ASAP1: variants seen among roughly 807,000 people sequenced by gnomAD.
ASAP1 encodes ArfGAP with SH3 domain, ankyrin repeat and PH domain 1, also known as arf-GAP with SH3 domain, ANK repeat and PH domain-containing protein 1.
In ASAP1, 43 loss-of-function variants were observed where a neutral mutation model predicts 145.2. The ratio of observed to expected loss-of-function variants is 0.30; its 90% CI spans 0.23 to 0.38. ASAP1 has a LOEUF of 0.38. Among genes scored for constraint, ASAP1 ranks in the 10% least tolerant of loss-of-function variants. ASAP1 has a pLI of 1.00. For missense variants in ASAP1, 1,018 were observed against 1,355.3 expected (o/e 0.75, Z 3.91); for synonymous variants, 546 against 515.5 (o/e 1.06, Z -0.80).
intron 13 of ASAP1, among the ~76,000 whole-genome samples, chr8:130,148,337 T>C (rs961081841): frequency 3.3e-5 from 5 of 152,242 alleles, no homozygotes; most frequent in African/African-American, 1.2e-4. Context: ...CTGAGCTTCA[T>C]CTATAAAATG....
At chr8:130,110,900 C>G (rs147602467) in intron 24 of ASAP1, among the ~76,000 whole-genome samples, 6 of 152,176 alleles carry the variant, frequency 3.9e-5, no homozygotes, top group Admixed American at 3.3e-4. Context: ...TGTGGGAGCA[C>G]GAGCTGAGCA....
intron 5 of ASAP1, 134 bp downstream of exon 5, chr8:130,214,422 A>C: frequency 1.1e-5 from 9 of 843,280 alleles, no homozygotes; most frequent in Non-Finnish European, 1.1e-5. Flanking sequence ...ACCTAGGACT[A>C]AAAAGCTTTT....
At chr8:130,107,559 T>A (rs1241753263) in intron 24 of ASAP1, among the ~76,000 whole-genome samples, 1 of 135,048 alleles carries the variant, frequency 7.4e-6, no homozygotes, top group South Asian at 2.5e-4. Context: ...TGTATGTATG[T>A]ATTTTTGAGA....
intron 24 of ASAP1, among the ~76,000 whole-genome samples, chr8:130,106,612 C>T (rs1461101529): frequency 6.6e-6 from 1 of 152,208 alleles, no homozygotes. Context: ...CTTATCCTGG[C>T]CACCTATTTC....
chr8:130,133,193 A>T (rs896804546), intron 15 of ASAP1, among the ~76,000 whole-genome samples: 30 of 152,280 alleles, frequency 2.0e-4, no homozygotes, highest in South Asian at 1.0e-3. Flanking sequence ...TAACAAAAAC[A>T]TCCCTCTCCC....
chr8:130,185,729 CAAAAAAAAAAAAAAA>C (rs778486303), intron 7 of ASAP1, among the ~76,000 whole-genome samples: 1 of 57,146 alleles, frequency 1.7e-5, no homozygotes, highest in Non-Finnish European at 3.7e-5. Flanking sequence ...AACTCCGCCT[CAAAAAAAAAAAAAAA>C]AAAAGAAAAA....
intron 2 of ASAP1, among the ~76,000 whole-genome samples, chr8:130,359,311 G>T (rs1208974302): frequency 6.6e-6 from 1 of 152,046 alleles, no homozygotes; most frequent in Non-Finnish European, 1.5e-5. Context: ...GCCAAATTTC[G>T]GTGGAAAAAG....
At chr8:130,133,052 G>A (rs1029445373) in intron 15 of ASAP1, among the ~76,000 whole-genome samples, 1 of 152,070 alleles carries the variant, frequency 6.6e-6, no homozygotes. Flanking sequence ...CCAGAAATAA[G>A]AGAGGAACAT....
intron 2 of ASAP1, among the ~76,000 whole-genome samples, chr8:130,378,481 G>A (rs1165265083): frequency 6.6e-6 from 1 of 152,214 alleles, no homozygotes; most frequent in Non-Finnish European, 1.5e-5. Flanking sequence ...CAAGTGCACG[G>A]AGGCTTGACA....
chr8:130,150,009 C>T (rs747236875), intron 13 of ASAP1, among the ~76,000 whole-genome samples: 3 of 152,204 alleles, frequency 2.0e-5, no homozygotes, highest in Non-Finnish European at 4.4e-5. Context: ...TGCTTGTCAA[C>T]AGATTTCAGT....
At chr8:130,209,811 A>C (rs1444447896) in intron 5 of ASAP1, among the ~76,000 whole-genome samples, 1 of 152,124 alleles carries the variant, frequency 6.6e-6, no homozygotes, top group Non-Finnish European at 1.5e-5. Context: ...TTTTGAAAGA[A>C]AGACTAGCAA....
intron 2 of ASAP1, among the ~76,000 whole-genome samples, chr8:130,385,177 C>A (rs1827954299): frequency 6.6e-6 from 1 of 152,132 alleles, no homozygotes; most frequent in South Asian, 2.1e-4. Context: ...TTAAAAGAGC[C>A]AAGGCAGGCC....
chr8:130,170,882 C>T (rs1202838470), intron 9 of ASAP1, among the ~76,000 whole-genome samples: 1 of 152,020 alleles, frequency 6.6e-6, no homozygotes, highest in East Asian at 1.9e-4. Context: ...CCATGCCTGG[C>T]TCATTTTTAT....
intron 15 of ASAP1, among the ~76,000 whole-genome samples, chr8:130,129,556 T>C (rs2097580130): frequency 6.6e-6 from 1 of 152,246 alleles, no homozygotes; most frequent in African/African-American, 2.4e-5. Context: ...TATAGACAGC[T>C]AATGTTTATT....
chr8:130,087,745 T>G (rs1309068192), intron 25 of ASAP1, among the ~76,000 whole-genome samples: 1 of 152,154 alleles, frequency 6.6e-6, no homozygotes, highest in Non-Finnish European at 1.5e-5. Context: ...ACATTTAATG[T>G]TAGGCAAGCG....
intron 3 of ASAP1, among the ~76,000 whole-genome samples, chr8:130,335,295 T>C (rs889092932): frequency 2.0e-5 from 3 of 152,200 alleles, no homozygotes; most frequent in Non-Finnish European, 2.9e-5. Context: ...TTTAAATAGA[T>C]TGCTTCATGT....
rs372205776 is a variant in ASAP1 at position 130,359,232 on chromosome 8, G to A, written c.60-1089C>T. ...TTGCACTTTTTTTTTTAACTTGCAG[G>A]AAAGCCGAGGGTCAGGGAATGTAAA... On this transcript the variant is annotated intron_variant, in intron 2 of 29. Transcript: ENST00000518721. Among the ~76,000 whole-genome samples the A allele has an allele frequency of 1.4e-3, 212 of 152,244 alleles. 1 individual carries two copies. Among genetic ancestry groups the A allele is most frequent in the African/African-American group, 4.5e-3 (185 of 41,540 alleles).
At chr8:130,071,375 C>T (rs1286874240) in intron 27 of ASAP1, among the ~76,000 whole-genome samples, 1 of 152,210 alleles carries the variant, frequency 6.6e-6, no homozygotes. Flanking sequence ...GATGTGCCTT[C>T]ACCCCTTCTA....
chr8:130,087,813 C>T lies in ASAP1; in HGVS notation c.2572+4160G>A, dbSNP rs142977159. Among the ~76,000 whole-genome samples, 31 of 152,320 alleles carry T rather than the reference C, an allele frequency of 2.0e-4. 2 individuals are homozygous for T. The East Asian group carries it at 6.0e-3, about 29-fold the overall frequency. ...GAGCTGCTGACAACAACTATTACCC[C>T]CAAATCTCCCCTGTGAATCTGGAGG... On this transcript the variant is annotated intron_variant, in intron 25 of 29. Coordinates refer to ENST00000518721, the MANE Select transcript of ASAP1 (RefSeq NM_018482.4).
Sources: allele counts gnomAD v4.1 joint callset (sites outside exome capture counted in the v4.1 genomes callset), GRCh38; gene constraint gnomAD v4.1.1; transcripts MANE v1.5; gene names NCBI Gene and HGNC (gene_info 2026-07-23, HGNC 2026-07-21).